The following ASAP1 variants were observed in gnomAD, a reference collection of about 807,000 sequenced individuals.
ASAP1 encodes ArfGAP with SH3 domain, ankyrin repeat and PH domain 1.
In ASAP1, 43 loss-of-function variants were observed where a neutral mutation model predicts 145.2. That is an observed-to-expected ratio of 0.30 (90% confidence interval 0.23 to 0.38). The LOEUF (loss-of-function observed/expected upper bound fraction) is 0.38. Among genes scored for constraint, ASAP1 ranks in the 10% least tolerant of loss-of-function variants. The pLI is 1.00. For synonymous variants in ASAP1, 546 were observed against 515.5 expected (o/e 1.06, Z -0.80); for missense variants, 1,018 against 1,355.3 (o/e 0.75, Z 3.91).
intron 1 of ASAP1, among the ~76,000 whole-genome samples, chr8:130,412,121 T>C (rs1365127688): frequency 1.3e-5 from 2 of 152,146 alleles, no homozygotes; most frequent in African/African-American, 2.4e-5. Flanking sequence ...AGGAATGTCA[T>C]CCCACTTTAC....
chr8:130,398,684 A>T (rs901238268), intron 2 of ASAP1, among the ~76,000 whole-genome samples: 1 of 152,202 alleles, frequency 6.6e-6, no homozygotes, highest in Non-Finnish European at 1.5e-5. Context: ...GCACTGTTCC[A>T]AGTGCTTTAG....
Position 130,180,767 on chromosome 8 carries a change from T to C in ASAP1, c.644A>G (p.Gln215Arg). ...EEMEKERRLFQLQMCEYLIKV... is the reference protein window; with the variant it reads ...EEMEKERRLFRLQMCEYLIKV... Reference sequence around the variant, plus strand: ...CATTCTTACTTCACACATTTGGAGCTGAAAGAGGCGCCTTTCCTTCTCCAT... The same window carrying C: ...CATTCTTACTTCACACATTTGGAGCCGAAAGAGGCGCCTTTCCTTCTCCAT... Residue 215 changes from glutamine to arginine, a missense_variant, in exon 8 of 30, where the codon CAG becomes CGG. Around this residue, in one of 9 missense-constraint regions of ASAP1, gnomAD observed 78 missense variants for 161.0 expected, o/e 0.48. Transcript: ENST00000518721. The C allele has an allele frequency of 6.2e-7, 1 of 1,612,224 alleles. No homozygotes were observed. Among genetic ancestry groups the C allele is most frequent in the Non-Finnish European group, 8.5e-7 (1 of 1,179,472 alleles).
In ASAP1 at chr8:130,118,192, G is replaced by T. The variant is rs866539473; in HGVS notation, c.1849C>A (p.Leu617Ile). 1.1e-5 allele frequency: 18 copies of T among 1,613,940 alleles called. 1 individual carries two copies. In the Middle Eastern group the frequency reaches 2.1e-3, roughly 192 times the overall value. Reference protein sequence around the residue: ...LAVRTADQTSLHLVDFLVQNC... With the variant: ...LAVRTADQTSIHLVDFLVQNC... ...TGTACAAGGAAGTCAACCAAATGGA[G>T]AGATGTCTGATCTGCAGTTCGGACG... The change falls in exon 20 of 30, where the codon CTC becomes ATC. Residue 617 changes from leucine to isoleucine, a missense_variant. Physicochemically the swap from Leu to Ile is conservative, Grantham distance 5. Around this residue, in one of 9 missense-constraint regions of ASAP1, gnomAD observed 353 missense variants for 375.4 expected, o/e 0.94. Transcript: ENST00000518721.
intron 3 of ASAP1, among the ~76,000 whole-genome samples, chr8:130,305,294 A>C (rs1822924111): frequency 6.6e-6 from 1 of 152,190 alleles, no homozygotes; most frequent in African/African-American, 2.4e-5. Flanking sequence ...TCATTGTTCT[A>C]TCCATAGTGC....
intron 4 of ASAP1, among the ~76,000 whole-genome samples, chr8:130,217,312 G>GT (rs1040595048): frequency 6.0e-5 from 9 of 150,366 alleles, no homozygotes; most frequent in Admixed American, 1.3e-4. Flanking sequence ...TTTTTTTTTG[G>GT]TTTTTTTTGG....
At chr8:130,072,825 G>GTGTGCGCGCGCGCGCGCA in intron 27 of ASAP1, among the ~76,000 whole-genome samples, 1 of 54,098 alleles carries the variant, frequency 1.8e-5, no homozygotes, top group Non-Finnish European at 3.6e-5. Context: ...GTGTGTGTGT[G>GTGTGCGCGCGCGCGCGCA]CGCGCGGGGG....
intron 11 of ASAP1, chr8:130,160,658 A>T: frequency 2.2e-6 from 1 of 459,156 alleles, no homozygotes; most frequent in Non-Finnish European, 3.6e-6. Flanking sequence ...GGACTACATG[A>T]CTAGAAACAG....
intron 5 of ASAP1, among the ~76,000 whole-genome samples, chr8:130,208,244 C>A (rs1042650135): frequency 6.6e-6 from 1 of 152,140 alleles, no homozygotes; most frequent in African/African-American, 2.4e-5. Context: ...GACAACTAGG[C>A]CACAGACTTT....
At chr8:130,260,764 C>G (rs1169417374) in intron 3 of ASAP1, among the ~76,000 whole-genome samples, 1 of 152,150 alleles carries the variant, frequency 6.6e-6, no homozygotes, top group Non-Finnish European at 1.5e-5. Flanking sequence ...ACCACTTGCG[C>G]TCTCCAGCCA....
chr8:130,292,949 C>A (rs570792509), intron 3 of ASAP1, among the ~76,000 whole-genome samples: 1 of 152,168 alleles, frequency 6.6e-6, no homozygotes, highest in East Asian at 1.9e-4. Context: ...TTATTTTCAT[C>A]GGCAATCATG....
intron 11 of ASAP1, among the ~76,000 whole-genome samples, chr8:130,161,856 A>G (rs1207413723): frequency 1.3e-5 from 2 of 152,134 alleles, no homozygotes; most frequent in African/African-American, 4.8e-5. Flanking sequence ...GGCTGAATGC[A>G]ATAGTGTGAT....
At chr8:130,329,880 G>A (rs1318685210) in intron 3 of ASAP1, among the ~76,000 whole-genome samples, 1 of 152,142 alleles carries the variant, frequency 6.6e-6, no homozygotes, top group Admixed American at 6.5e-5. Context: ...ATTAACTGGA[G>A]CAACACAGTC....
intron 3 of ASAP1, among the ~76,000 whole-genome samples, chr8:130,342,317 G>T (rs1825436386): frequency 6.6e-6 from 1 of 152,134 alleles, no homozygotes; most frequent in African/African-American, 2.4e-5. Context: ...TTTCTCATCT[G>T]TAAAATGAAG....
chr8:130,342,192 T>C (rs993697500), intron 3 of ASAP1, among the ~76,000 whole-genome samples: 9 of 152,108 alleles, frequency 5.9e-5, no homozygotes, highest in African/African-American at 9.7e-5. Flanking sequence ...GTGAGGAGGA[T>C]GAAGAAGGCA....
In ASAP1 at chr8:130,263,198, G is replaced by A. The variant is rs142946636; in HGVS notation, c.187-26204C>T. Among the ~76,000 whole-genome samples the A allele has an allele frequency of 7.9e-3, 1,196 of 152,172 alleles. 16 individuals are homozygous for A. Among genetic ancestry groups the A allele is most frequent in the African/African-American group, 0.028 (1,149 of 41,532 alleles). On this transcript the variant is annotated intron_variant, in intron 3 of 29. Transcript: ENST00000518721. ...CAGGTGGCCAGGTTCTGGACCAAAG[G>A]GCCACACTTTTCTCCTAGCTATAGC...
chr8:130,315,740 T>A (rs566154592), intron 3 of ASAP1, among the ~76,000 whole-genome samples: 1 of 152,324 alleles, frequency 6.6e-6, no homozygotes, highest in East Asian at 1.9e-4. Flanking sequence ...ACTATTACAG[T>A]GTATGGCGTA....
At chr8:130,067,971 C>G (rs2097433973) in intron 27 of ASAP1, among the ~76,000 whole-genome samples, 1 of 152,140 alleles carries the variant, frequency 6.6e-6, no homozygotes. Flanking sequence ...ACAGCTCTGA[C>G]TCACAGAAAC....
rs149228601 is a variant in ASAP1 at position 130,328,833 on chromosome 8, T to C, written c.186+29184A>G. Among the ~76,000 whole-genome samples the C allele has an allele frequency of 3.9e-5, 6 of 152,198 alleles. No homozygotes were observed. The East Asian group carries it at 1.2e-3, about 29-fold the overall frequency. Reference sequence around the variant, plus strand: ...TTGTAGAGATGGTGGTCTCCCTATGTCGCTCAGGTTGGTCTCAAACTTCTG... The same window carrying C: ...TTGTAGAGATGGTGGTCTCCCTATGCCGCTCAGGTTGGTCTCAAACTTCTG... On this transcript the variant is annotated intron_variant, in intron 3 of 29. Coordinates refer to ENST00000518721, the MANE Select transcript of ASAP1 (RefSeq NM_018482.4).
rs561992871 is a variant in ASAP1, at chr8:130,112,982, T to C, written c.2173-660A>G. Among the ~76,000 whole-genome samples, 4 of 152,312 alleles carry C rather than the reference T, an allele frequency of 2.6e-5. No individual in the cohort carries two copies. The East Asian group carries it at 7.7e-4, about 29-fold the overall frequency. Reference sequence around the variant, plus strand: ...CCTGCATTCCCCTTGGAAATATCCCTTGAAGCCCCTCCTAGTACAGGTGCT... The same window carrying C: ...CCTGCATTCCCCTTGGAAATATCCCCTGAAGCCCCTCCTAGTACAGGTGCT... On this transcript the variant is annotated intron_variant, in intron 23 of 29. Transcript: ENST00000518721.
Sources: allele counts gnomAD v4.1 joint callset (sites outside exome capture counted in the v4.1 genomes callset), GRCh38; gene constraint gnomAD v4.1.1; regional missense constraint gnomAD v4.1.1; transcripts MANE v1.5; gene names NCBI Gene and HGNC (gene_info 2026-07-23, HGNC 2026-07-21).